MYO5A: variants seen among roughly 807,000 people sequenced by gnomAD.
The protein encoded by MYO5A is myosin VA.
A neutral mutation model predicts 249.7 loss-of-function variants in MYO5A; 98 were observed. The ratio of observed to expected loss-of-function variants is 0.39; its 90% CI spans 0.33 to 0.46. MYO5A has a LOEUF of 0.46. Among genes scored for constraint, MYO5A ranks in the 20% least tolerant of loss-of-function variants. MYO5A has a pLI of 0.98. For synonymous variants in MYO5A, 778 were observed against 810.6 expected (o/e 0.96, Z 0.68); for missense variants, 1,696 against 2,308.8 (o/e 0.73, Z 5.44).
intron 9 of MYO5A, among the ~76,000 whole-genome samples, chr15:52,400,166 ATT>A (rs2141197372): frequency 6.6e-6 from 1 of 150,870 alleles, no homozygotes. Flanking sequence ...CTATATTTTG[ATT>A]TTTTTCAATC....
At chr15:52,433,845 A>G (rs2075597651) in intron 1 of MYO5A, among the ~76,000 whole-genome samples, 1 of 152,228 alleles carries the variant, frequency 6.6e-6, no homozygotes, top group African/African-American at 2.4e-5. Context: ...TTTGCTTTAC[A>G]CAGTAAATGC....
At chr15:52,448,476 T>C (rs1474701283) in intron 1 of MYO5A, among the ~76,000 whole-genome samples, 1 of 152,150 alleles carries the variant, frequency 6.6e-6, no homozygotes, top group Non-Finnish European at 1.5e-5. Flanking sequence ...TTGTCTCAAA[T>C]GAGATTTTGG....
rs375064915 is a variant in MYO5A, at chr15:52,434,140, C to T, written c.28-855G>A. On this transcript the variant is annotated intron_variant, in intron 1 of 41. Transcript: ENST00000399233. ...TCAGCCTCACGAGTAGCTGGGACTA[C>T]AGGCATGTGCCACTGTGCCCAGCTA... Among the ~76,000 whole-genome samples the T allele has an allele frequency of 8.7e-4, 132 of 152,090 alleles. 1 individual carries two copies. Among genetic ancestry groups the T allele is most frequent in the African/African-American group, 3.1e-3 (127 of 41,508 alleles).
At chr15:52,375,559 T>C (rs1238019272) in intron 19 of MYO5A, 99 bp from the exon 20 acceptor site, 9 of 1,208,706 alleles carry the variant, frequency 7.4e-6, no homozygotes, top group Non-Finnish European at 1.1e-5. Flanking sequence ...TAGGCATAAA[T>C]AGTACCTCCA....
intron 31 of MYO5A, among the ~76,000 whole-genome samples, chr15:52,341,178 G>C (rs975633926): frequency 2.0e-5 from 3 of 152,150 alleles, no homozygotes; most frequent in African/African-American, 7.2e-5. Flanking sequence ...TCCAGGCAGA[G>C]GGAATTATAT....
intron 34 of MYO5A, among the ~76,000 whole-genome samples, chr15:52,336,002 T>C (rs2039101846): frequency 6.6e-6 from 1 of 152,130 alleles, no homozygotes; most frequent in Non-Finnish European, 1.5e-5. Context: ...ACCAACCTAA[T>C]AGCTCATTCA....
At chr15:52,475,341 C>T (rs1052940996) in intron 1 of MYO5A, among the ~76,000 whole-genome samples, 1 of 152,110 alleles carries the variant, frequency 6.6e-6, no homozygotes, top group Non-Finnish European at 1.5e-5. Flanking sequence ...AAAACCAGGT[C>T]CTGGATTCAT....
At chr15:52,511,761 G>A (rs534358916) in intron 1 of MYO5A, among the ~76,000 whole-genome samples, 1 of 152,226 alleles carries the variant, frequency 6.6e-6, no homozygotes, top group East Asian at 1.9e-4. Flanking sequence ...TGTTGTGCCT[G>A]GCATACTCTG....
Position 52,309,407 on chromosome 15 carries a change from A to G in MYO5A, c.*4289T>C, listed in dbSNP as rs1016551364. The G allele has an allele frequency of 6.6e-6, 1 of 152,256 alleles. No homozygotes were observed. The highest frequency in any genetic ancestry group is 2.4e-5 in the African/African-American group (1 of 41,456). The allele number at this position is 152,256 out of a possible 1,614,324, so 9.4% of individuals were successfully genotyped here. A position where few individuals can be genotyped will look rare whatever the true frequency, so the allele number is the denominator to read the frequency against. On this transcript the variant is annotated 3_prime_UTR_variant, in exon 42 of 42. Coordinates refer to ENST00000399233, the MANE Select transcript of MYO5A (RefSeq NM_001382347.1). Reference sequence around the variant, plus strand: ...GCTCGGTTCCCACATGCCAGCTGCCAACTCTGATAAAAAAGCACCCCTTGC... The same window carrying G: ...GCTCGGTTCCCACATGCCAGCTGCCGACTCTGATAAAAAAGCACCCCTTGC...
intron 1 of MYO5A, among the ~76,000 whole-genome samples, chr15:52,465,791 C>T (rs1003732705): frequency 5.3e-5 from 8 of 152,070 alleles, no homozygotes; most frequent in African/African-American, 1.9e-4. Flanking sequence ...TTCATAAACT[C>T]AGAAGAACCA....
intron 1 of MYO5A, among the ~76,000 whole-genome samples, chr15:52,512,442 C>T (rs568463407): frequency 1.5e-4 from 23 of 151,814 alleles, no homozygotes; most frequent in South Asian, 6.2e-4. Flanking sequence ...TAGAATAACA[C>T]GTATTGGCAT....
chr15:52,403,704 T>C (rs917603518), intron 9 of MYO5A, among the ~76,000 whole-genome samples: 3 of 152,188 alleles, frequency 2.0e-5, no homozygotes, highest in Admixed American at 6.5e-5. Context: ...ACGAATTATA[T>C]CTCAACAAAG....
At chr15:52,347,001 GT>G (rs140982065) in intron 29 of MYO5A, among the ~76,000 whole-genome samples, 2 of 151,584 alleles carry the variant, frequency 1.3e-5, no homozygotes, top group African/African-American at 2.4e-5. Flanking sequence ...GCAAAATTAA[GT>G]TTTTTTTCTC....
chr15:52,336,636 T>G (rs1278292317), intron 33 of MYO5A, 80 bp from the exon 34 acceptor site: 1 of 1,058,860 alleles, frequency 9.4e-7, no homozygotes, highest in East Asian at 2.6e-5. Flanking sequence ...AGACACAATA[T>G]CACAGAAACA....
At chr15:52,483,684 A>T (rs1193366554) in intron 1 of MYO5A, among the ~76,000 whole-genome samples, 3 of 152,198 alleles carry the variant, frequency 2.0e-5, no homozygotes, top group African/African-American at 7.2e-5. Flanking sequence ...AAGGTATTTT[A>T]ATTGAGCAAA....
intron 1 of MYO5A, among the ~76,000 whole-genome samples, chr15:52,448,850 G>A (rs2075951238): frequency 6.7e-6 from 1 of 149,730 alleles, no homozygotes; most frequent in South Asian, 2.1e-4. Flanking sequence ...GGCCTCCACA[G>A]CCATACATCC....
chr15:52,471,733 T>G (rs1409556386), intron 1 of MYO5A, among the ~76,000 whole-genome samples: 1 of 152,214 alleles, frequency 6.6e-6, no homozygotes, highest in East Asian at 1.9e-4. Flanking sequence ...GGTCTCATTC[T>G]GTTGCCCCAG....
Position 52,410,260 on chromosome 15 carries a change from A to G in MYO5A, c.756+73T>C, listed in dbSNP as rs771037886. 7.0e-5 allele frequency: 104 copies of G among 1,487,228 alleles called. No individual in the cohort carries two copies. In the Middle Eastern group the frequency reaches 1.4e-3, roughly 20 times the overall value. The allele number at this position is 1,487,228 out of a possible 1,614,324, so 92.1% of individuals were successfully genotyped here. On this transcript the variant is annotated intron_variant, in intron 6 of 41. Coordinates refer to ENST00000399233, the MANE Select transcript of MYO5A (RefSeq NM_001382347.1). ...TCAAGAGTATCTTGAAATAAAATGCATACCAGCAAGCATGGACTCAACAAT... is the reference window on the plus strand; with the variant it reads ...TCAAGAGTATCTTGAAATAAAATGCGTACCAGCAAGCATGGACTCAACAAT...
At chr15:52,495,041 T>C (rs956219793) in intron 1 of MYO5A, among the ~76,000 whole-genome samples, 4 of 152,206 alleles carry the variant, frequency 2.6e-5, no homozygotes, top group African/African-American at 9.7e-5. Flanking sequence ...ATATGATATA[T>C]ATATATCCAT....
Sources: allele counts gnomAD v4.1 joint callset (sites outside exome capture counted in the v4.1 genomes callset), GRCh38; gene constraint gnomAD v4.1.1; transcripts MANE v1.5; gene names NCBI Gene and HGNC (gene_info 2026-07-23, HGNC 2026-07-21).